Variants in NPM3 observed in about 807,000 individuals in gnomAD.
NPM3 encodes nucleophosmin/nucleoplasmin 3.
NPM3 carries 12 observed loss-of-function variants against 18.1 expected under a neutral mutation model. The observed-to-expected ratio is 0.66, with a 90% confidence interval of 0.42 to 1.07. The LOEUF is 1.07. NPM3 is among the 50% of genes least tolerant of loss of function. The pLI is 0.00. For missense variants in NPM3, 274 were observed against 232.1 expected (o/e 1.18, Z -1.17); for synonymous variants, 116 against 93.7 (o/e 1.24, Z -1.38).
intron 1 of NPM3, among the ~76,000 whole-genome samples, 166 bp downstream of exon 1, chr10:101,783,107 G>T (rs989192082): frequency 4.6e-5 from 7 of 151,890 alleles, no homozygotes; most frequent in African/African-American, 1.5e-4. Flanking sequence ...TCTGGGGCAG[G>T]GATCTCGCCA....
At position 101,782,576 on chromosome 10, in the gene NPM3, TG is replaced by T. The variant is rs2065150153; in HGVS notation, c.225del (p.Asp77ThrfsTer6). On this transcript the variant is annotated frameshift_variant, in exon 3 of 6. Coordinates refer to ENST00000370110, the Ensembl canonical transcript of NPM3. LOFTEE classifies it high-confidence loss of function. The stretch of plus-strand genomic sequence containing the variant: ...ACTTCTACCACATTACACTCGTCTT[TG>T]GCTCCCTCGGTGAGGCAGAGCTGGG... The T allele has an allele frequency of 6.2e-7, 1 of 1,613,884 alleles. No individual in the cohort carries two copies. Among genetic ancestry groups the T allele is most frequent in the African/African-American group, 1.3e-5 (1 of 74,904 alleles).
intron 2 of NPM3, 79 bp from the exon 3 acceptor site, chr10:101,782,676 T>A: frequency 6.2e-7 from 1 of 1,602,118 alleles, no homozygotes. Context: ...CCCTAGCACC[T>A]GCCCAGCCTC....
Position 101,782,285 on chromosome 10 carries a change from C to T in NPM3, c.391G>A (p.Val131Met), listed in dbSNP as rs1341036823. ...ATCTGGTGCCGCCCAGTGATCCGCA[C>T]AGGGCCAGAGCCCGACTTCAGGCGG... The change falls in exon 4 of 6, where the codon GTG becomes ATG. Residue 131 changes from valine to methionine, a missense_variant. Coordinates refer to ENST00000370110, the Ensembl canonical transcript of NPM3. 3.7e-6 allele frequency: 6 copies of T among 1,613,918 alleles called. No homozygotes were observed. In the African/African-American group the frequency reaches 5.3e-5, roughly 14 times the overall value.
In NPM3 at chr10:101,782,362, G is replaced by A. The variant is rs1464764865; in HGVS notation, c.325-11C>T. The A allele has an allele frequency of 6.2e-7, 1 of 1,613,216 alleles. No individual in the cohort carries two copies. The highest frequency in any genetic ancestry group is 2.2e-5 in the East Asian group (1 of 44,848). On this transcript the variant is annotated splice_polypyrimidine_tract_variant and intron_variant, in intron 3 of 5. Coordinates refer to ENST00000370110, the Ensembl canonical transcript of NPM3. The stretch of plus-strand genomic sequence containing the variant: ...GTCATCCAGACTGAGCTGGGAGGAA[G>A]ACAAGGATGAAGGCCTGGCCCACTC...
At chr10:101,782,765 A>C in intron 2 of NPM3, 74 bp downstream of exon 2, 1 of 1,579,136 alleles carries the variant, frequency 6.3e-7, no homozygotes, top group Non-Finnish European at 8.7e-7. Flanking sequence ...AGTAAAGGGG[A>C]TCCGGAGGTT....
At chr10:101,782,570 C>T in exon 3 of NPM3, 2 of 1,614,096 alleles carry the variant, frequency 1.2e-6, no homozygotes, top group South Asian at 1.1e-5. Flanking sequence ...ACATTACACT[C>T]GTCTTTGGCT....
chr10:101,782,583 C>T (rs992856666), exon 3 of NPM3: 6 of 1,613,864 alleles, frequency 3.7e-6, no homozygotes, highest in African/African-American at 1.3e-5. Context: ...CTTTGGCTCC[C>T]TCGGTGAGGC....
Position 101,782,243 on chromosome 10 carries a change from CT to C in NPM3, c.418+14del, listed in dbSNP as rs762922272. On this transcript the variant is annotated intron_variant, in intron 4 of 5. Transcript: ENST00000370110. ...TCCACTGGAAGCAAAGGAGAGGGCC[CT>C]CCCCTCTTCTCACCAATCTGGTGCC... 2.2e-5 allele frequency: 35 copies of C among 1,602,216 alleles called. No individual in the cohort carries two copies. Among genetic ancestry groups the C allele is most frequent in the Non-Finnish European group, 2.9e-5 (34 of 1,170,750 alleles).
intron 4 of NPM3, 140 bp downstream of exon 4, chr10:101,782,118 G>C: frequency 1.1e-6 from 1 of 897,942 alleles, no homozygotes; most frequent in Non-Finnish European, 1.7e-6. Flanking sequence ...GTCATGCACA[G>C]GGCACAGCGT....
At chr10:101,782,128 T>C in intron 4 of NPM3, 130 bp downstream of exon 4, 3 of 922,830 alleles carry the variant, frequency 3.3e-6, no homozygotes, top group Non-Finnish European at 1.7e-6. Flanking sequence ...GGGCACAGCG[T>C]GGAGGGCACA....
At chr10:101,783,417 C>A, upstream of NPM3, 1 of 1,511,734 alleles carries the variant, frequency 6.6e-7, no homozygotes, top group Non-Finnish European at 9.0e-7. Flanking sequence ...TCAAACTCCG[C>A]CCCCGACACG....
At chr10:101,781,999 C>T (rs2065144816) in intron 4 of NPM3, 145 bp from the exon 5 acceptor site, 2 of 1,410,480 alleles carry the variant, frequency 1.4e-6, no homozygotes, top group South Asian at 2.4e-5. Context: ...AACCTCAGAC[C>T]CTAAACTGGG....
rs1303512101 is a variant in NPM3 at position 101,782,929 on chromosome 10, T to C, written c.119-5A>G. ...TGTGGCCGGAGAGCTCACAGCCTGGTAGAAATAACAGTGAGTATGCCTGAG... is the reference window on the plus strand; with the variant it reads ...TGTGGCCGGAGAGCTCACAGCCTGGCAGAAATAACAGTGAGTATGCCTGAG... On this transcript the variant is annotated splice_region_variant and splice_polypyrimidine_tract_variant and intron_variant, in intron 1 of 5. Transcript: ENST00000370110. 1.2e-6 allele frequency: 2 copies of C among 1,613,492 alleles called. No homozygotes were observed. The highest frequency in any genetic ancestry group is 1.3e-5 in the African/African-American group (1 of 74,900).
rs747110225 is a variant in NPM3 at position 101,782,611 on chromosome 10, A to AGTG, written c.205-15_205-14insCAC. On this transcript the variant is annotated splice_polypyrimidine_tract_variant and intron_variant, in intron 2 of 5. Transcript: ENST00000370110. ...GGTGAGGCAGAGCTGGGAACGGTAC[A>AGTG]CAGGGCCTCAGGGTCTCCTCAAGTG... 1.5e-5 allele frequency: 25 copies of AGTG among 1,613,312 alleles called. No individual in the cohort carries two copies. The highest frequency in any genetic ancestry group is 2.1e-5 in the Non-Finnish European group (25 of 1,179,978).
intron 1 of NPM3, 129 bp downstream of exon 1, chr10:101,783,144 C>T: frequency 1.2e-6 from 1 of 863,586 alleles, no homozygotes; most frequent in Admixed American, 2.3e-5. Flanking sequence ...GTGCGAGGCC[C>T]CCTCTCCTGC....
chr10:101,783,421 C>T (rs1222664102), upstream of NPM3: 2 of 1,501,808 alleles, frequency 1.3e-6, no homozygotes, highest in Admixed American at 1.9e-5. Context: ...ACTCCGCCCC[C>T]GACACGCACA....
chr10:101,782,170 G>C, intron 4 of NPM3, 88 bp downstream of exon 4: 1 of 1,188,058 alleles, frequency 8.4e-7, no homozygotes. Context: ...TGGGAGATGA[G>C]GGTGGGATGG....
exon 5 of NPM3, chr10:101,781,802 G>GTCCTCT (rs776893772): frequency 1.2e-6 from 2 of 1,614,004 alleles, no homozygotes; most frequent in East Asian, 2.2e-5. Context: ...CCTCATCACT[G>GTCCTCT]TCCTCTTCCT....
intron 1 of NPM3, 95 bp downstream of exon 1, chr10:101,783,178 C>G: frequency 2.0e-6 from 2 of 1,013,014 alleles, no homozygotes; most frequent in Non-Finnish European, 3.0e-6. Context: ...CAGCCCTCCG[C>G]CCACACCCAC....
Sources: gnomAD v4.1 joint callset for allele counts (sites outside exome capture counted in the v4.1 genomes callset) on GRCh38, gnomAD v4.1.1 for gene constraint, MANE v1.5 for transcripts, NCBI Gene and HGNC (gene_info 2026-07-23, HGNC 2026-07-21) for gene names.